Variants in CCSER1 observed in about 807,000 individuals in gnomAD.
The protein encoded by CCSER1 is serine-rich coiled-coil domain-containing protein 1.
Under a neutral mutation model 82.0 loss-of-function variants are expected in CCSER1, and 41 were observed. The observed-to-expected ratio is 0.50, with a 90% CI of 0.39 to 0.65. The LOEUF (loss-of-function observed/expected upper bound fraction) is 0.65. Among genes scored for constraint, CCSER1 ranks in the 30% least tolerant of loss-of-function variants. CCSER1 has a pLI of 0.00. For missense variants in CCSER1, 1,119 were observed against 1,064.2 expected, an observed-to-expected ratio of 1.05 and a Z score of -0.72; for synonymous variants, 414 against 383.9, an observed-to-expected ratio of 1.08 and a Z score of -0.92.
chr4:91,243,870 T>C (rs949806745), intron 10 of CCSER1, among the ~76,000 whole-genome samples: 2 of 152,106 alleles, frequency 1.3e-5, no homozygotes, highest in African/African-American at 4.8e-5. Flanking sequence ...TCCTTCTGTT[T>C]AAGAAAAGCA....
chr4:90,713,849 C>CT (rs2149336670), intron 6 of CCSER1, among the ~76,000 whole-genome samples: 1 of 151,988 alleles, frequency 6.6e-6, no homozygotes. Context: ...TATTTTCATT[C>CT]TTTTTTCTTT....
chr4:90,191,687 C>T (rs767529250), intron 1 of CCSER1, among the ~76,000 whole-genome samples: 19 of 152,062 alleles, frequency 1.2e-4, no homozygotes, highest in Non-Finnish European at 2.6e-4. Flanking sequence ...TGTTTTCCAA[C>T]AGTCTCCTCT....
At chr4:91,478,472 G>A (rs1757713598) in intron 10 of CCSER1, among the ~76,000 whole-genome samples, 2 of 151,852 alleles carry the variant, frequency 1.3e-5, no homozygotes, top group Admixed American at 1.3e-4. Context: ...ACTTGAGACA[G>A]TCTCAATAAG....
intron 5 of CCSER1, among the ~76,000 whole-genome samples, chr4:90,597,587 A>C (rs960007545): frequency 6.6e-6 from 1 of 152,044 alleles, no homozygotes; most frequent in African/African-American, 2.4e-5. Flanking sequence ...ATGTTATGAG[A>C]TACATATAGA....
chr4:90,869,865 C>A, intron 8 of CCSER1, among the ~76,000 whole-genome samples: 1 of 151,504 alleles, frequency 6.6e-6, no homozygotes, highest in East Asian at 1.9e-4. Flanking sequence ...TTTTTTGTTT[C>A]TTCTTTGATT....
At chr4:91,220,819 T>A (rs554145309) in intron 10 of CCSER1, among the ~76,000 whole-genome samples, 144 of 152,304 alleles carry the variant, frequency 9.5e-4, no homozygotes, top group Middle Eastern at 6.8e-3. Context: ...ATGATACATA[T>A]GTTAATTTGC....
intron 8 of CCSER1, among the ~76,000 whole-genome samples, chr4:90,832,764 C>A (rs913812068): frequency 6.6e-6 from 1 of 152,012 alleles, no homozygotes; most frequent in Non-Finnish European, 1.5e-5. Context: ...CCTTCTAGAA[C>A]CAAATGGTGT....
At chr4:91,133,948 A>T (rs1270541627) in intron 10 of CCSER1, among the ~76,000 whole-genome samples, 1 of 152,148 alleles carries the variant, frequency 6.6e-6, no homozygotes, top group African/African-American at 2.4e-5. Flanking sequence ...AAAATACAAA[A>T]ATTAGCCAGG....
rs546857381 is a variant in CCSER1 at position 90,768,303 on chromosome 4, G to A, written c.2010+44312G>A. Among the ~76,000 whole-genome samples the A allele has an allele frequency of 5.9e-5, 9 of 152,224 alleles. No homozygotes were observed. The South Asian group carries it at 1.7e-3, about 28-fold the overall frequency. ...ATGCAATCTTTGAGTCAAGCTTTGG[G>A]ATGATTATACACCTAGCCAGGAGTT... On this transcript the variant is annotated intron_variant, in intron 7 of 10. Transcript: ENST00000509176.
intron 9 of CCSER1, among the ~76,000 whole-genome samples, chr4:91,040,851 G>A (rs570030294): frequency 6.6e-6 from 1 of 152,182 alleles, no homozygotes; most frequent in East Asian, 1.9e-4. Context: ...GCTCCTAAAG[G>A]TATTTAAAAG....
At chr4:91,090,662 C>T (rs1463505375) in intron 10 of CCSER1, among the ~76,000 whole-genome samples, 3 of 152,170 alleles carry the variant, frequency 2.0e-5, no homozygotes, top group Non-Finnish European at 4.4e-5. Context: ...CCACTGATCT[C>T]CTGTTACAGT....
chr4:91,555,206 A>T (rs1344060597), intron 10 of CCSER1, among the ~76,000 whole-genome samples: 1 of 150,864 alleles, frequency 6.6e-6, no homozygotes, highest in Non-Finnish European at 1.5e-5. Context: ...CAAATTCACT[A>T]TTTTTCTCTT....
At chr4:91,445,146 A>G (rs1263037001) in intron 10 of CCSER1, among the ~76,000 whole-genome samples, 1 of 152,200 alleles carries the variant, frequency 6.6e-6, no homozygotes, top group African/African-American at 2.4e-5. Context: ...CTTTTAGAAG[A>G]TAATAACAAT....
At chr4:91,441,427 A>G (rs1407895345) in intron 10 of CCSER1, among the ~76,000 whole-genome samples, 1 of 151,936 alleles carries the variant, frequency 6.6e-6, no homozygotes, top group Non-Finnish European at 1.5e-5. Flanking sequence ...ACAACCCTTC[A>G]TGCTAAAAAT....
intron 8 of CCSER1, chr4:90,918,340 GA>G: frequency 2.3e-6 from 1 of 433,784 alleles, no homozygotes; most frequent in Non-Finnish European, 4.6e-6. Flanking sequence ...AATTCAAATA[GA>G]AATTTGGGAT....
chr4:90,271,848 A>T (rs1560919093), intron 1 of CCSER1, among the ~76,000 whole-genome samples: 3 of 23,348 alleles, frequency 1.3e-4, no homozygotes, highest in African/African-American at 4.0e-4. Flanking sequence ...ATATATATAT[A>T]TATATATATA....
At chr4:91,135,134 G>T (rs1561575795) in intron 10 of CCSER1, among the ~76,000 whole-genome samples, 1 of 151,802 alleles carries the variant, frequency 6.6e-6, no homozygotes, top group Non-Finnish European at 1.5e-5. Context: ...CAGTAACTTT[G>T]CAGTGATGGT....
chr4:90,610,787 T>A (rs1455226709), intron 5 of CCSER1, among the ~76,000 whole-genome samples: 2 of 152,026 alleles, frequency 1.3e-5, no homozygotes, highest in Non-Finnish European at 2.9e-5. Flanking sequence ...AGCGCTAGAG[T>A]GTACAGAAGG....
chr4:91,074,295 A>G (rs1354643218), intron 9 of CCSER1, among the ~76,000 whole-genome samples: 5 of 152,204 alleles, frequency 3.3e-5, no homozygotes, highest in Admixed American at 3.3e-4. Context: ...TGCTTGGTAC[A>G]TAGAGAACAT....
Sources: gnomAD v4.1 joint callset for allele counts (sites outside exome capture counted in the v4.1 genomes callset) on GRCh38, gnomAD v4.1.1 for gene constraint, MANE v1.5 for transcripts, NCBI Gene and HGNC (gene_info 2026-07-23, HGNC 2026-07-21) for gene names.